Variants in SYT1 observed in about 807,000 individuals in gnomAD.
The protein encoded by SYT1 is synaptotagmin 1.
In SYT1, 8 loss-of-function variants were observed where a neutral mutation model predicts 44.8. That is an observed-to-expected ratio of 0.18 (90% CI 0.10 to 0.32). SYT1 has a LOEUF of 0.32. Ranked by LOEUF, SYT1 falls within the 10% of genes least tolerant of loss-of-function variation. The pLI is 1.00. For synonymous variants in SYT1, 154 were observed against 188.8 expected (o/e 0.82, Z 1.51); for missense variants, 286 against 509.3 (o/e 0.56, Z 4.22).
At chr12:79,253,025 T>C (rs1458387386) in intron 4 of SYT1, among the ~76,000 whole-genome samples, 1 of 152,114 alleles carries the variant, frequency 6.6e-6, no homozygotes, top group Admixed American at 6.5e-5. Flanking sequence ...CCCCTAGTGC[T>C]CTCTCTTTTA....
intron 8 of SYT1, among the ~76,000 whole-genome samples, chr12:79,350,266 T>C (rs1267279677): frequency 6.8e-6 from 1 of 147,024 alleles, no homozygotes; most frequent in African/African-American, 2.5e-5. Flanking sequence ...TTTTTTTTTT[T>C]TTTTGAGACG....
chr12:79,349,157 GGGAA>G (rs1181807320), intron 8 of SYT1, among the ~76,000 whole-genome samples: 1 of 150,444 alleles, frequency 6.6e-6, no homozygotes, highest in African/African-American at 2.4e-5. Context: ...GGAAGAAAAG[GGGAA>G]GGAAGGAAAG....
intron 2 of SYT1, among the ~76,000 whole-genome samples, chr12:78,989,526 C>A (rs1175066830): frequency 6.6e-6 from 1 of 152,064 alleles, no homozygotes; most frequent in Non-Finnish European, 1.5e-5. Flanking sequence ...CATATCCTCC[C>A]ATGGCAACAG....
rs147896289 is a variant in SYT1, at chr12:79,257,730, G to T, written c.167-28057G>T. 4.0e-3 allele frequency among the ~76,000 whole-genome samples: 606 copies of T among 152,194 alleles called. 8 individuals are homozygous for T. Among genetic ancestry groups the T allele is most frequent in the African/African-American group, 0.014 (587 of 41,538 alleles). On this transcript the variant is annotated intron_variant, in intron 4 of 10. Coordinates refer to ENST00000261205, the MANE Select transcript of SYT1 (RefSeq NM_005639.3). The stretch of plus-strand genomic sequence containing the variant: ...TCTCGATCTCTTGACCTGGTGATCC[G>T]CTCGCCTCGGCCTCCCAAAGTGCTG...
chr12:79,018,793 A>G (rs1363051004), intron 2 of SYT1, among the ~76,000 whole-genome samples: 4 of 152,062 alleles, frequency 2.6e-5, no homozygotes, highest in Non-Finnish European at 1.5e-5. Context: ...CCTTCTAATA[A>G]TTTGGGAAAG....
At chr12:79,141,865 C>A (rs1045488569) in intron 3 of SYT1, among the ~76,000 whole-genome samples, 2 of 152,310 alleles carry the variant, frequency 1.3e-5, no homozygotes, top group South Asian at 4.1e-4. Flanking sequence ...CCTTCAGATG[C>A]ATAATTCATT....
At chr12:79,064,053 C>T (rs1565788799) in intron 3 of SYT1, among the ~76,000 whole-genome samples, 1 of 151,186 alleles carries the variant, frequency 6.6e-6, no homozygotes, top group East Asian at 2.0e-4. Context: ...GGAGAACAGT[C>T]CATCACTTGG....
rs189477615 is a variant in SYT1, at chr12:79,431,267, C to G, written c.929-12806C>G. On this transcript the variant is annotated intron_variant, in intron 9 of 10. Coordinates refer to ENST00000261205, the MANE Select transcript of SYT1 (RefSeq NM_005639.3). ...TTCTATATAAGAAATTTAACTAATA[C>G]CCCCACTCTCACTTCTCAGAGACAG... is the stretch of plus-strand genomic sequence containing the variant. Among the ~76,000 whole-genome samples, 632 of 152,176 alleles carry G rather than the reference C, an allele frequency of 4.2e-3. 3 individuals carry two copies. Among genetic ancestry groups the G allele is most frequent in the South Asian group, 0.028 (136 of 4,816 alleles).
At chr12:78,924,389 G>A (rs1395330230) in intron 1 of SYT1, among the ~76,000 whole-genome samples, 1 of 151,630 alleles carries the variant, frequency 6.6e-6, no homozygotes. Context: ...TTGCTGCCTC[G>A]AATTTTTACA....
intron 8 of SYT1, among the ~76,000 whole-genome samples, chr12:79,333,432 A>G (rs1394887802): frequency 6.6e-6 from 1 of 152,194 alleles, no homozygotes; most frequent in Non-Finnish European, 1.5e-5. Context: ...ATTTCAATGT[A>G]TGAATTCTGC....
chr12:79,146,817 G>A (rs866744744), intron 3 of SYT1, among the ~76,000 whole-genome samples: 21 of 151,916 alleles, frequency 1.4e-4, no homozygotes, highest in African/African-American at 4.1e-4. Flanking sequence ...ACAAAGTAAA[G>A]GAGATAAAAG....
chr12:78,954,486 C>T (rs558522820), intron 1 of SYT1, among the ~76,000 whole-genome samples: 6 of 151,788 alleles, frequency 4.0e-5, no homozygotes, highest in East Asian at 1.9e-4. Context: ...CTATGTGGTA[C>T]CCTGTGTAGC....
chr12:78,882,901 T>G (rs1342022141), intron 1 of SYT1, among the ~76,000 whole-genome samples: 1 of 151,746 alleles, frequency 6.6e-6, no homozygotes, highest in Non-Finnish European at 1.5e-5. Flanking sequence ...TTCTTTTCTT[T>G]GTAATGGGAA....
intron 2 of SYT1, among the ~76,000 whole-genome samples, chr12:79,000,677 G>A (rs894132422): frequency 1.3e-5 from 2 of 152,236 alleles, no homozygotes; most frequent in African/African-American, 2.4e-5. Context: ...TATAGTTGAA[G>A]CTGCCAAGAC....
chr12:79,197,871 G>C (rs2138480763), intron 3 of SYT1, among the ~76,000 whole-genome samples: 1 of 152,162 alleles, frequency 6.6e-6, no homozygotes, highest in South Asian at 2.1e-4. Flanking sequence ...AGGTAACACT[G>C]TTACTTTGAT....
chr12:78,878,849 T>C (rs1482926368), intron 1 of SYT1, among the ~76,000 whole-genome samples: 3 of 151,706 alleles, frequency 2.0e-5, no homozygotes, highest in Admixed American at 6.6e-5. Context: ...CTGATTTACA[T>C]AGTCATTCAA....
chr12:79,217,221 T>C (rs572990045), intron 3 of SYT1, among the ~76,000 whole-genome samples: 1 of 152,210 alleles, frequency 6.6e-6, no homozygotes, highest in African/African-American at 2.4e-5. Flanking sequence ...AGCAAATAAT[T>C]GGCTGTATAA....
At chr12:79,308,612 A>AAGAAAAAGAAAGAAAGAAAGAAAGAAAG (rs1462021152) in intron 8 of SYT1, among the ~76,000 whole-genome samples, 1 of 134,240 alleles carries the variant, frequency 7.4e-6, no homozygotes, top group African/African-American at 2.8e-5. Context: ...GAAAGAAAGA[A>AAGAAAAAGAAAGAAAGAAAGAAAGAAAG]AAAGAAAGAA....
intron 3 of SYT1, among the ~76,000 whole-genome samples, chr12:79,089,245 G>A (rs948448517): frequency 1.3e-5 from 2 of 151,918 alleles, no homozygotes; most frequent in Admixed American, 6.6e-5. Context: ...AAACAATCAG[G>A]GTTTAGAAGG....
Sources: gnomAD v4.1 joint callset for allele counts (sites outside exome capture counted in the v4.1 genomes callset) on GRCh38, gnomAD v4.1.1 for gene constraint, MANE v1.5 for transcripts, NCBI Gene and HGNC (gene_info 2026-07-23, HGNC 2026-07-21) for gene names.